Variants in KPNA4 observed in about 807,000 individuals in gnomAD.
KPNA4 encodes the protein importin subunit alpha-3.
KPNA4 carries 13 observed loss-of-function variants against 71.3 expected under a neutral mutation model. That is an observed-to-expected ratio of 0.18 (90% CI 0.12 to 0.29). The LOEUF is 0.29. Ranked by LOEUF, KPNA4 falls within the 10% of genes least tolerant of loss-of-function variation. The pLI is 1.00. For synonymous variants in KPNA4, 189 were observed against 195.2 expected, an observed-to-expected ratio of 0.97 and a Z score of 0.26; for missense variants, 334 against 603.2, an observed-to-expected ratio of 0.55 and a Z score of 4.67.
At chr3:160,527,744 A>G (rs919388589) in intron 8 of KPNA4, among the ~76,000 whole-genome samples, 57 of 152,216 alleles carry the variant, frequency 3.7e-4, no homozygotes, top group African/African-American at 1.2e-3. Flanking sequence ...AGCTAACTAT[A>G]TACCAAAAAA....
chr3:160,542,856 T>G (rs758838638), intron 1 of KPNA4, among the ~76,000 whole-genome samples: 1 of 152,160 alleles, frequency 6.6e-6, no homozygotes, highest in Admixed American at 6.5e-5. Context: ...GTCTATAGAT[T>G]CCATACTTTA....
At chr3:160,559,315 A>C (rs933843667) in intron 1 of KPNA4, among the ~76,000 whole-genome samples, 5 of 152,216 alleles carry the variant, frequency 3.3e-5, no homozygotes, top group Admixed American at 6.5e-5. Flanking sequence ...AGAGAAAGTT[A>C]GAATTTTAGA....
Position 160,528,011 on chromosome 3 carries a change from G to C in KPNA4, c.498C>G (p.Leu166=), listed in dbSNP as rs901840713. The C allele has an allele frequency of 1.2e-6, 2 of 1,612,356 alleles. No individual in the cohort carries two copies. Among genetic ancestry groups the C allele is most frequent in the Non-Finnish European group, 1.7e-6 (2 of 1,179,070 alleles). ...SNAVPLFLRL[L]HSPHQNVCEQ... is the part of the protein sequence containing the mutation. ...CACAGACATTCTGATGGGGTGAATG[G>C]AGAAGCCTCAGGAAAAGTGGCACAG... The change falls in exon 8 of 17, where the codon CTC becomes CTG. Residue 166 remains leucine, a synonymous_variant. Coordinates refer to ENST00000334256, the MANE Select transcript of KPNA4 (RefSeq NM_002268.5).
At chr3:160,555,079 T>A (rs1298714125) in intron 1 of KPNA4, among the ~76,000 whole-genome samples, 1 of 152,166 alleles carries the variant, frequency 6.6e-6, no homozygotes, top group African/African-American at 2.4e-5. Flanking sequence ...ACCTGAAATC[T>A]GATGTTATCT....
intron 1 of KPNA4, among the ~76,000 whole-genome samples, chr3:160,537,791 T>G (rs1015780288): frequency 1.3e-5 from 2 of 151,766 alleles, no homozygotes; most frequent in Admixed American, 1.3e-4. Flanking sequence ...TCTCTCACAT[T>G]ACATATTCAA....
rs139751135 is a variant in KPNA4, at chr3:160,553,202, C to T, written c.69+12012G>A. ...CTTGTCTAAAAGAAACTGCTCTTTC[C>T]GGGGGTGCTCCTGAAGAAGCAGTCA... On this transcript the variant is annotated intron_variant, in intron 1 of 16. Coordinates refer to ENST00000334256, the MANE Select transcript of KPNA4 (RefSeq NM_002268.5). 1.3e-4 allele frequency among the ~76,000 whole-genome samples: 20 copies of T among 152,112 alleles called. No homozygotes were observed. In the East Asian group the frequency reaches 3.5e-3, roughly 26 times the overall value.
intron 1 of KPNA4, among the ~76,000 whole-genome samples, chr3:160,558,690 C>T (rs1039608137): frequency 6.6e-6 from 1 of 152,032 alleles, no homozygotes; most frequent in African/African-American, 2.4e-5. Flanking sequence ...CTATGTGGGT[C>T]CTGAGACCTT....
intron 1 of KPNA4, among the ~76,000 whole-genome samples, chr3:160,544,916 G>A (rs553524627): frequency 1.1e-4 from 16 of 152,034 alleles, no homozygotes; most frequent in East Asian, 3.9e-4. Flanking sequence ...GTTTTCTTAC[G>A]GAAAAATTTA....
chr3:160,520,658 C>T (rs1285318045), intron 11 of KPNA4, among the ~76,000 whole-genome samples: 1 of 152,116 alleles, frequency 6.6e-6, no homozygotes, highest in Non-Finnish European at 1.5e-5. Flanking sequence ...GTATCAGTAT[C>T]ACCTGAAGAG....
At chr3:160,520,898 G>C (rs186118189) in intron 11 of KPNA4, among the ~76,000 whole-genome samples, 2 of 152,248 alleles carry the variant, frequency 1.3e-5, no homozygotes, top group South Asian at 4.1e-4. Flanking sequence ...AGCTTGCTGC[G>C]TCTCCCCCAT....
At chr3:160,559,298 G>A (rs1722198953) in intron 1 of KPNA4, among the ~76,000 whole-genome samples, 1 of 152,100 alleles carries the variant, frequency 6.6e-6, no homozygotes. Context: ...AAAAAATTGA[G>A]CTTCCCAGAG....
chr3:160,555,521 T>A (rs1205688547), intron 1 of KPNA4, among the ~76,000 whole-genome samples: 1 of 152,192 alleles, frequency 6.6e-6, no homozygotes, highest in African/African-American at 2.4e-5. Flanking sequence ...ACTTACTTTA[T>A]CAATTAGGCA....
intron 1 of KPNA4, among the ~76,000 whole-genome samples, chr3:160,551,808 G>T (rs1207428954): frequency 6.6e-6 from 1 of 152,104 alleles, no homozygotes; most frequent in Non-Finnish European, 1.5e-5. Context: ...TCTGGGTTGA[G>T]AAGTGAAAAC....
At chr3:160,541,133 C>T (rs377033190) in intron 1 of KPNA4, among the ~76,000 whole-genome samples, 29 of 152,250 alleles carry the variant, frequency 1.9e-4, no homozygotes, top group African/African-American at 6.5e-4. Flanking sequence ...CTTAATTGCT[C>T]CTTAATTTCT....
chr3:160,530,861 G>T lies in KPNA4; in HGVS notation c.463C>A (p.Gln155Lys). The T allele has an allele frequency of 1.2e-6, 2 of 1,608,064 alleles. No individual in the cohort carries two copies. The highest frequency in any genetic ancestry group is 2.2e-5 in the South Asian group (2 of 89,992). Residue 155 changes from glutamine (Q) to lysine (K), a missense_variant, in exon 7 of 17, where the codon CAG (glutamine) becomes AAG (lysine). Gln to Lys is a moderately conservative substitution (Grantham distance 53). Transcript: ENST00000334256. ...GTSEQTQAVV[Q>K]SNAVPLFLRL... is the part of the protein sequence containing the mutation. ...TTATTAATAACCAACTTACTGGACT[G>T]AACTACTGCTTGAGTTTGTTCAGAA... is the stretch of plus-strand genomic sequence containing the variant.
Position 160,531,576 on chromosome 3 carries a change from C to T in KPNA4, c.288-19G>A, listed in dbSNP as rs758036327. 1.5e-6 allele frequency: 2 copies of T among 1,309,230 alleles called. No homozygotes were observed. Among genetic ancestry groups the T allele is most frequent in the Non-Finnish European group, 2.1e-6 (2 of 935,676 alleles). The allele number at this position is 1,309,230 out of a possible 1,614,324, so 81.1% of individuals were successfully genotyped here. On this transcript the variant is annotated intron_variant, in intron 5 of 16. Transcript: ENST00000334256. ...AAGCTTCCTGTAAGAGATAAAAACA[C>T]TCCTGTGAAACTTAATAACATACAA...
At position 160,535,868 on chromosome 3, in the gene KPNA4, T is replaced by C. The variant is rs1721678459; in HGVS notation, c.144A>G (p.Arg48=). 6 of 1,221,204 alleles carry C rather than the reference T, an allele frequency of 4.9e-6. No individual in the cohort carries two copies. The highest frequency in any genetic ancestry group is 5.3e-6 in the Non-Finnish European group (5 of 945,034). 75.6% of individuals were successfully genotyped at this position (1,221,204 alleles called of 1,614,324 possible). The part of the protein sequence containing the change: ...KNKRDEHLLK[R]RNVPHEDICE... ...AGATATCTTCATGTGGTACATTCCT[T>C]CTCTTTAAGAGATGTTCATCTCTTT... Residue 48 remains arginine, a synonymous_variant, in exon 3 of 17, where the codon AGA becomes AGG. Transcript: ENST00000334256.
At chr3:160,525,345 AT>A (rs1464637503) in intron 10 of KPNA4, among the ~76,000 whole-genome samples, 1 of 151,522 alleles carries the variant, frequency 6.6e-6, no homozygotes, top group East Asian at 1.9e-4. Flanking sequence ...ATGCACAAAC[AT>A]TTTCCTTTTT....
chr3:160,531,830 T>C (rs891333576), intron 5 of KPNA4, among the ~76,000 whole-genome samples: 6 of 152,202 alleles, frequency 3.9e-5, no homozygotes, highest in Admixed American at 2.0e-4. Flanking sequence ...TCTCACTCTG[T>C]TGCCCAGGCT....
Sources: gnomAD v4.1 joint callset for allele counts (sites outside exome capture counted in the v4.1 genomes callset) on GRCh38, gnomAD v4.1.1 for gene constraint, MANE v1.5 for transcripts, NCBI Gene and HGNC (gene_info 2026-07-23, HGNC 2026-07-21) for gene names.